PDZD4: variants seen among roughly 807,000 people sequenced by gnomAD.
PDZD4 encodes PDZ domain-containing protein 4.
A neutral mutation model predicts 38.5 loss-of-function variants in PDZD4; 9 were observed. That is an observed-to-expected ratio of 0.23 (90% CI 0.14 to 0.41). The LOEUF (loss-of-function observed/expected upper bound fraction) is 0.41, where lower values mean the gene tolerates loss of function less well. Among genes scored for constraint, PDZD4 ranks in the 10% least tolerant of loss-of-function variants. PDZD4 has a pLI of 1.00. For missense variants in PDZD4, 612 were observed against 722.0 expected (o/e 0.85, Z 1.75); for synonymous variants, 349 against 315.7 (o/e 1.11, Z -1.12).
rs781896560 is a variant in PDZD4 at position 153,803,261 on chromosome X, G to GCACACA, written c.*86_*91dup. 13 of 578,764 alleles carry GCACACA rather than the reference G, an allele frequency of 2.2e-5. No homozygotes were observed. The highest frequency in any genetic ancestry group is 2.6e-5 in the Non-Finnish European group (11 of 417,568). The allele number at this position is 578,764 out of a possible 1,213,427, so 47.7% of individuals were successfully genotyped here. On this transcript the variant is annotated 3_prime_UTR_variant, in exon 8 of 8. Transcript: ENST00000393758. ...GTGCGCACAGCGAGCACGCGCGCGCGCACACACACACACACACAATCTCTA... is the reference window on the plus strand; with the variant it reads ...GTGCGCACAGCGAGCACGCGCGCGCGCACACACACACACACACACACACAATCTCTA...
intron 1 of PDZD4, among the ~76,000 whole-genome samples, chrX:153,817,932 G>A (rs2064378976): frequency 8.9e-6 from 1 of 112,365 alleles, no homozygotes. Context: ...ATTAAACTAG[G>A]AATTTTTCTT....
At chrX:153,817,446 A>G (rs914616439) in intron 1 of PDZD4, among the ~76,000 whole-genome samples, 5 of 111,660 alleles carry the variant, frequency 4.5e-5, no homozygotes, top group Non-Finnish European at 9.4e-5. Flanking sequence ...CATAAAAAGA[A>G]TGAACGACCG....
rs2064277476 is a variant in PDZD4, at chrX:153,808,478, T to C, written c.178A>G (p.Ser60Gly). Residue 60 changes from serine to glycine, a missense_variant, in exon 2 of 8, where the codon AGC (serine) becomes GGC (glycine). Coordinates refer to ENST00000393758, the MANE Select transcript of PDZD4 (RefSeq NM_001303512.2). ...LRRSPRLRGD[S>G]SCHDLQLVDS... is the part of the protein sequence containing the mutation. ...ACCAGCTGCAGGTCGTGACAGGAGC[T>C]GTCCCCCCGGAGGCGGGGGCTGCGT... 1 of 1,210,352 alleles carries C rather than the reference T, an allele frequency of 8.3e-7. No individual in the cohort carries two copies. The highest frequency in any genetic ancestry group is 2.2e-5 in the Admixed American group (1 of 46,012).
intron 1 of PDZD4, among the ~76,000 whole-genome samples, chrX:153,812,592 C>T (rs2064320425): frequency 1.8e-5 from 2 of 110,989 alleles, no homozygotes; most frequent in Non-Finnish European, 3.8e-5. Flanking sequence ...AAGCCACGGG[C>T]TCCTGAAGCC....
At chrX:153,826,006 C>T (rs1460546412) in intron 1 of PDZD4, among the ~76,000 whole-genome samples, 1 of 111,202 alleles carries the variant, frequency 9.0e-6, no homozygotes, top group Non-Finnish European at 1.9e-5. Flanking sequence ...TGCTTGAGGC[C>T]AGGAGTTCAA....
Position 153,807,302 on chromosome X carries a change from G to T in PDZD4, c.382C>A (p.Arg128Ser). ...ACCTCATACTCCAGCTCATCCAAGC[G>T]GTCTGCCTCCTGCGGGCCGCCCTCC... Reference protein sequence around the residue: ...FMEGGPQEADRLDELEYEEVE... With the variant: ...FMEGGPQEADSLDELEYEEVE... The change falls in exon 3 of 8, where the codon CGC (arginine) becomes AGC (serine). Residue 128 changes from arginine to serine, a missense_variant. By Grantham distance (110) the Arg-to-Ser change is moderately radical. This residue lies in a region of PDZD4 where 225 missense variants were observed against 311.0 expected (regional missense o/e 0.72). Coordinates refer to ENST00000393758, the MANE Select transcript of PDZD4 (RefSeq NM_001303512.2). The T allele has an allele frequency of 8.3e-7, 1 of 1,210,454 alleles. No homozygotes were observed. The highest frequency in any genetic ancestry group is 1.1e-6 in the Non-Finnish European group (1 of 895,100).
chrX:153,823,380 G>A (rs1288765044), intron 1 of PDZD4, among the ~76,000 whole-genome samples: 5 of 110,527 alleles, frequency 4.5e-5, no homozygotes, highest in Non-Finnish European at 7.6e-5. Context: ...CACCATGCCC[G>A]GCTAATTTTG....
At chrX:153,822,179 T>C (rs1603266827) in intron 1 of PDZD4, among the ~76,000 whole-genome samples, 1 of 58,297 alleles carries the variant, frequency 1.7e-5, no homozygotes, top group Admixed American at 2.3e-4. Context: ...AGAGCAAGAC[T>C]CTGTCTCAAA....
chrX:153,810,636 T>C (rs1557078592), intron 1 of PDZD4, among the ~76,000 whole-genome samples: 1 of 112,555 alleles, frequency 8.9e-6, no homozygotes, highest in Non-Finnish European at 1.9e-5. Context: ...CTGTCCTGCA[T>C]TCTCACGGCG....
intron 1 of PDZD4, among the ~76,000 whole-genome samples, chrX:153,815,401 G>A (rs782538818): frequency 1.8e-5 from 2 of 111,710 alleles, no homozygotes; most frequent in South Asian, 3.7e-4. Flanking sequence ...CCTCCCAGCC[G>A]ACCCCATCAC....
At chrX:153,819,514 G>A (rs1557080767) in intron 1 of PDZD4, among the ~76,000 whole-genome samples, 2 of 112,206 alleles carry the variant, frequency 1.8e-5, no homozygotes, top group African/African-American at 6.5e-5. Context: ...ACGGAGGTGG[G>A]GGGGCTGCCA....
At chrX:153,807,227 C>T (rs1557077375) in intron 3 of PDZD4, 52 bp downstream of exon 3, 12 of 1,150,965 alleles carry the variant, frequency 1.0e-5, no homozygotes, top group South Asian at 9.5e-5. Flanking sequence ...ACACAGGCGT[C>T]GGGGCGGCTC....
rs182641404 is a variant in PDZD4, at chrX:153,819,030, C to T, written c.61-10435G>A. On this transcript the variant is annotated intron_variant, in intron 1 of 7. Coordinates refer to ENST00000393758, the MANE Select transcript of PDZD4 (RefSeq NM_001303512.2). ...GCCTTAGGGGACGCGGGAAGCGGGG[C>T]GCCCTAGGCGGAGAGGGCGGAGCCC... Among the ~76,000 whole-genome samples, 280 of 112,580 alleles carry T rather than the reference C, an allele frequency of 2.5e-3. 2 individuals carry two copies. The highest frequency in any genetic ancestry group is 8.5e-3 in the African/African-American group (265 of 31,111).
At chrX:153,810,622 C>T (rs1182657494) in intron 1 of PDZD4, among the ~76,000 whole-genome samples, 1 of 112,754 alleles carries the variant, frequency 8.9e-6, no homozygotes, top group African/African-American at 3.2e-5. Context: ...TTTAGAAGAA[C>T]TCTCTGTCCT....
chrX:153,829,940 G>C, intron 1 of PDZD4: 5 of 810,749 alleles, frequency 6.2e-6, no homozygotes, highest in Non-Finnish European at 7.6e-6. Flanking sequence ...CCTGCGGGGA[G>C]AGCGTGTGCG....
chrX:153,807,378 G>A lies in PDZD4; in HGVS notation c.315-9C>T. ...CATGGCTGATTGGGGGGCTGCCCAG[G>A]AGAAGGTGGGGGTCAGACCAGCTGG... On this transcript the variant is annotated splice_polypyrimidine_tract_variant and intron_variant, in intron 2 of 7. Transcript: ENST00000393758. 1 of 1,198,446 alleles carries A rather than the reference G, an allele frequency of 8.3e-7. No individual in the cohort carries two copies. Among genetic ancestry groups the A allele is most frequent in the Non-Finnish European group, 1.1e-6 (1 of 887,812 alleles).
At chrX:153,819,309 G>A (rs2064396811) in intron 1 of PDZD4, among the ~76,000 whole-genome samples, 2 of 113,171 alleles carry the variant, frequency 1.8e-5, no homozygotes, top group African/African-American at 6.4e-5. Context: ...GGTGGGGCGC[G>A]ACGCCCTCTT....
intron 5 of PDZD4, 99 bp downstream of exon 5, chrX:153,805,972 C>T: frequency 1.1e-6 from 1 of 945,445 alleles, no homozygotes; most frequent in Non-Finnish European, 1.5e-6. Context: ...TCAGGGTTAG[C>T]TCTTAGTGGG....
intron 1 of PDZD4, among the ~76,000 whole-genome samples, chrX:153,825,717 A>G (rs1233978464): frequency 8.9e-6 from 1 of 112,450 alleles, no homozygotes; most frequent in Non-Finnish European, 1.9e-5. Context: ...AATGCCTCTC[A>G]TGATAAAAAC....
Sources: allele counts gnomAD v4.1 joint callset (sites outside exome capture counted in the v4.1 genomes callset), GRCh38; gene constraint gnomAD v4.1.1; regional missense constraint gnomAD v4.1.1; transcripts MANE v1.5; gene names NCBI Gene and HGNC (gene_info 2026-07-23, HGNC 2026-07-21).